The following VTI1A variants were observed in gnomAD, a reference collection of about 807,000 sequenced individuals.
The protein encoded by VTI1A is vesicle transport through interaction with t-SNAREs homolog 1A.
A neutral mutation model predicts 34.9 loss-of-function variants in VTI1A; 22 were observed. The observed-to-expected ratio is 0.63, with a 90% CI of 0.45 to 0.90. The LOEUF (loss-of-function observed/expected upper bound fraction) is 0.90, where lower values mean the gene tolerates loss of function less well. Among genes scored for constraint, VTI1A ranks in the 40% least tolerant of loss-of-function variants. The pLI is 0.00. For synonymous variants in VTI1A, 87 were observed against 97.3 expected (o/e 0.89, Z 0.62); for missense variants, 268 against 275.6 (o/e 0.97, Z 0.20).
At chr10:112,752,983 T>C (rs981258967) in intron 7 of VTI1A, among the ~76,000 whole-genome samples, 3 of 152,122 alleles carry the variant, frequency 2.0e-5, no homozygotes, top group Non-Finnish European at 4.4e-5. Flanking sequence ...ACATGAAGCC[T>C]GAAAAACGGT....
chr10:112,748,804 T>C (rs1237639626), intron 7 of VTI1A, among the ~76,000 whole-genome samples: 1 of 150,744 alleles, frequency 6.6e-6, no homozygotes, highest in Non-Finnish European at 1.5e-5. Flanking sequence ...TTTTTTTTTT[T>C]ATTTTTAGTA....
intron 4 of VTI1A, among the ~76,000 whole-genome samples, chr10:112,530,956 G>A (rs1466284492): frequency 6.6e-6 from 1 of 152,078 alleles, no homozygotes; most frequent in Non-Finnish European, 1.5e-5. Flanking sequence ...TGTAAAGGGC[G>A]TTTAATAGAG....
At chr10:112,739,984 C>T (rs905805608) in intron 7 of VTI1A, among the ~76,000 whole-genome samples, 4 of 152,158 alleles carry the variant, frequency 2.6e-5, no homozygotes, top group Non-Finnish European at 5.9e-5. Context: ...GGTTTGTTCT[C>T]TAAAAGTAAA....
At chr10:112,843,686 T>C in the VTI1A span, among the ~76,000 whole-genome samples, 8 of 152,148 alleles carry the variant, frequency 5.3e-5, no homozygotes, top group African/African-American at 1.9e-4. Flanking sequence ...GGCAGGAACA[T>C]TGAGGAAGCC....
At chr10:112,582,237 T>G (rs1456288249) in intron 5 of VTI1A, among the ~76,000 whole-genome samples, 1 of 152,290 alleles carries the variant, frequency 6.6e-6, no homozygotes, top group Middle Eastern at 3.4e-3. Context: ...TCTCTTCTTA[T>G]GCGGGCACTA....
intron 5 of VTI1A, among the ~76,000 whole-genome samples, chr10:112,660,377 C>T (rs1385977633): frequency 2.6e-5 from 4 of 152,186 alleles, no homozygotes; most frequent in African/African-American, 7.2e-5. Flanking sequence ...GGATTACAGG[C>T]GTGAGCCACC....
intron 3 of VTI1A, among the ~76,000 whole-genome samples, chr10:112,492,060 G>T (rs761482060): frequency 6.6e-6 from 1 of 152,170 alleles, no homozygotes; most frequent in East Asian, 1.9e-4. Context: ...TGATTCCAAT[G>T]TTCGATCAAG....
chr10:112,496,986 G>A (rs894956750), intron 3 of VTI1A, among the ~76,000 whole-genome samples: 2 of 152,220 alleles, frequency 1.3e-5, no homozygotes, highest in South Asian at 2.1e-4. Flanking sequence ...ATAAAAGAAG[G>A]GAAACATATG....
At chr10:112,809,281 A>C (rs1015506682) in intron 7 of VTI1A, among the ~76,000 whole-genome samples, 4 of 152,108 alleles carry the variant, frequency 2.6e-5, no homozygotes, top group African/African-American at 7.2e-5. Context: ...TGTTTCTCCT[A>C]CTCCTGTTTT....
chr10:112,661,203 G>A (rs574588289), intron 5 of VTI1A, among the ~76,000 whole-genome samples: 17 of 152,062 alleles, frequency 1.1e-4, no homozygotes, highest in East Asian at 1.9e-4. Flanking sequence ...GGTTGGTCTC[G>A]AACTTCTGAC....
At chr10:112,756,304 G>T (rs373869371) in intron 7 of VTI1A, among the ~76,000 whole-genome samples, 1 of 152,038 alleles carries the variant, frequency 6.6e-6, no homozygotes, top group East Asian at 1.9e-4. Context: ...AGTGTGTTAC[G>T]GCATGACTAC....
At chr10:112,786,630 C>T (rs529607090) in intron 7 of VTI1A, among the ~76,000 whole-genome samples, 21 of 152,184 alleles carry the variant, frequency 1.4e-4, no homozygotes, top group Non-Finnish European at 2.6e-4. Context: ...CCAAGTTTGT[C>T]GAGAGTTTCT....
chr10:112,636,534 G>A (rs191533960), intron 5 of VTI1A, among the ~76,000 whole-genome samples: 30 of 151,980 alleles, frequency 2.0e-4, no homozygotes, highest in African/African-American at 7.2e-4. Context: ...GACCATCCTG[G>A]CCAACATGGT....
At chr10:112,680,068 C>T (rs1467830184) in intron 7 of VTI1A, among the ~76,000 whole-genome samples, 1 of 152,116 alleles carries the variant, frequency 6.6e-6, no homozygotes, top group African/African-American at 2.4e-5. Flanking sequence ...GAACTGTGTC[C>T]AGTTTCGTAG....
At chr10:112,843,184 G>A in the VTI1A span, among the ~76,000 whole-genome samples, 1 of 152,224 alleles carries the variant, frequency 6.6e-6, no homozygotes, top group Non-Finnish European at 1.5e-5. Flanking sequence ...CCTCTCATTG[G>A]CTGACTCTAA....
intron 5 of VTI1A, among the ~76,000 whole-genome samples, chr10:112,589,697 G>C (rs1002639228): frequency 6.6e-6 from 1 of 152,154 alleles, no homozygotes; most frequent in Admixed American, 6.5e-5. Context: ...CTCTGGGGTA[G>C]GTATTTTTAT....
At chr10:112,575,875 A>G (rs1447119749) in intron 5 of VTI1A, among the ~76,000 whole-genome samples, 1 of 152,114 alleles carries the variant, frequency 6.6e-6, no homozygotes. Flanking sequence ...ATTATTTTAG[A>G]TGATATCTTG....
chr10:112,812,694 C>T (rs1853360273), intron 7 of VTI1A, among the ~76,000 whole-genome samples: 1 of 152,170 alleles, frequency 6.6e-6, no homozygotes, highest in Admixed American at 6.5e-5. Context: ...TCTATTCCAA[C>T]TCTTTCCCCA....
At chr10:112,830,849 A>ATATTTTTTTTTTTTTTTTTTTTTT in the VTI1A span, among the ~76,000 whole-genome samples, 1 of 33,512 alleles carries the variant, frequency 3.0e-5, no homozygotes, top group East Asian at 1.5e-3. Context: ...ATATATATAT[A>ATATTTTTTTTTTTTTTTTTTTTTT]TTTTTTTTTT....
Sources: gnomAD v4.1 joint callset for allele counts (sites outside exome capture counted in the v4.1 genomes callset) on GRCh38, gnomAD v4.1.1 for gene constraint, MANE v1.5 for transcripts, NCBI Gene and HGNC (gene_info 2026-07-23, HGNC 2026-07-21) for gene names.